The following VWA8 variants were observed in gnomAD, a reference collection of about 807,000 sequenced individuals.
The protein encoded by VWA8 is von Willebrand factor A domain-containing protein 8.
A neutral mutation model predicts 241.5 loss-of-function variants in VWA8; 221 were observed. The ratio of observed to expected loss-of-function variants is 0.91; its 90% CI spans 0.82 to 1.02. The LOEUF is 1.02. Ranked by LOEUF, VWA8 falls within the 50% of genes least tolerant of loss-of-function variation. The pLI, the probability that VWA8 is intolerant of heterozygous loss-of-function variation, is 0.00. For synonymous variants in VWA8, 852 were observed against 827.1 expected, an observed-to-expected ratio of 1.03 and a Z score of -0.52; for missense variants, 2,322 against 2,328.7, an observed-to-expected ratio of 1.00 and a Z score of 0.06.
chr13:41,825,365 G>A (rs76066725), intron 14 of VWA8, among the ~76,000 whole-genome samples: 1,589 of 152,222 alleles, frequency 0.01, 27 homozygotes, highest in African/African-American at 0.037. Context: ...ATGGATTACC[G>A]TTATAACATT....
At chr13:41,783,717 CAT>C (rs1869005566) in intron 19 of VWA8, 76 bp downstream of exon 19, 1 of 912,136 alleles carries the variant, frequency 1.1e-6, no homozygotes, top group Non-Finnish European at 1.6e-6. Flanking sequence ...AAAATAATTA[CAT>C]GTCAATTTCA....
chr13:41,743,421 T>A lies in VWA8; in HGVS notation c.2427-11266A>T, dbSNP rs188135707. The stretch of plus-strand genomic sequence containing the variant: ...CATTAGCTGTTGGCTGTAGTCCTAT[T>A]CCAAACTGTCACTTGACCAAATTCT... On this transcript the variant is annotated intron_variant, in intron 21 of 44. Transcript: ENST00000379310. 4.6e-3 allele frequency among the ~76,000 whole-genome samples: 701 copies of A among 152,308 alleles called. 12 individuals are homozygous for A. The highest frequency in any genetic ancestry group is 0.016 in the Admixed American group (247 of 15,290).
chr13:41,574,269 A>G (rs1419030196), intron 43 of VWA8, among the ~76,000 whole-genome samples: 1 of 152,300 alleles, frequency 6.6e-6, no homozygotes, highest in East Asian at 1.9e-4. Flanking sequence ...TAACACTGCT[A>G]TATGCCAACA....
At chr13:41,772,601 T>C (rs1392041760) in intron 20 of VWA8, among the ~76,000 whole-genome samples, 1 of 152,156 alleles carries the variant, frequency 6.6e-6, no homozygotes, top group Non-Finnish European at 1.5e-5. Flanking sequence ...CCCTCAAACA[T>C]GTGTATTTTC....
rs78675924 is a variant in VWA8, at chr13:41,810,235, T to C, written c.2063+990A>G. Among the ~76,000 whole-genome samples the C allele has an allele frequency of 9.2e-3, 1,402 of 152,208 alleles. 32 individuals are homozygous for C. Among genetic ancestry groups the C allele is most frequent in the African/African-American group, 0.03 (1,255 of 41,548 alleles). On this transcript the variant is annotated intron_variant, in intron 17 of 44. Coordinates refer to ENST00000379310, the MANE Select transcript of VWA8 (RefSeq NM_015058.2). Reference sequence around the variant, plus strand: ...AAAAAAAATAACTAGAACAACCATATGACACACCAATCCTAGGTATAGGCT... The same window carrying C: ...AAAAAAAATAACTAGAACAACCATACGACACACCAATCCTAGGTATAGGCT...
intron 24 of VWA8, among the ~76,000 whole-genome samples, chr13:41,726,585 A>G (rs1424936429): frequency 1.3e-5 from 2 of 152,188 alleles, no homozygotes; most frequent in African/African-American, 4.8e-5. Flanking sequence ...TTTTATTCCA[A>G]GAGGTCCTAA....
chr13:41,632,249 T>C (rs543698611), intron 37 of VWA8, among the ~76,000 whole-genome samples: 86 of 152,330 alleles, frequency 5.6e-4, no homozygotes, highest in African/African-American at 2.0e-3. Flanking sequence ...GACTTCAATC[T>C]CATACTGAAG....
At chr13:41,764,907 T>A (rs1013883898) in intron 20 of VWA8, among the ~76,000 whole-genome samples, 1 of 152,044 alleles carries the variant, frequency 6.6e-6, no homozygotes, top group African/African-American at 2.4e-5. Context: ...TCTGATGGAA[T>A]GGTACGGTGG....
chr13:41,777,891 G>GA (rs952492856), intron 20 of VWA8, 94 bp downstream of exon 20: 12 of 1,113,282 alleles, frequency 1.1e-5, no homozygotes, highest in African/African-American at 6.3e-5. Context: ...TTTAATAGGG[G>GA]AAAAAATAAC....
At chr13:41,792,637 T>A (rs970647097) in intron 17 of VWA8, among the ~76,000 whole-genome samples, 3 of 152,026 alleles carry the variant, frequency 2.0e-5, no homozygotes, top group Non-Finnish European at 4.4e-5. Context: ...CTTGTCAAAT[T>A]CACTATAATC....
At chr13:41,889,056 T>C (rs1874690661) in intron 5 of VWA8, among the ~76,000 whole-genome samples, 1 of 152,204 alleles carries the variant, frequency 6.6e-6, no homozygotes, top group Non-Finnish European at 1.5e-5. Context: ...TCTCTTTCCA[T>C]AGTAACAGAA....
intron 1 of VWA8, among the ~76,000 whole-genome samples, chr13:41,952,557 A>G (rs1209736295): frequency 6.6e-6 from 1 of 152,178 alleles, no homozygotes; most frequent in Non-Finnish European, 1.5e-5. Flanking sequence ...AAAAGACTGT[A>G]ATTATTTGGC....
intron 2 of VWA8, among the ~76,000 whole-genome samples, chr13:41,925,124 G>GA (rs1214944798): frequency 6.6e-6 from 1 of 152,078 alleles, no homozygotes; most frequent in African/African-American, 2.4e-5. Flanking sequence ...AGTACTGAAA[G>GA]AAAAAAACTG....
chr13:41,640,053 C>G (rs1044172998), intron 37 of VWA8, among the ~76,000 whole-genome samples: 1 of 152,168 alleles, frequency 6.6e-6, no homozygotes, highest in African/African-American at 2.4e-5. Flanking sequence ...TCTACGATTT[C>G]AAGAGAGCCC....
intron 37 of VWA8, among the ~76,000 whole-genome samples, chr13:41,629,153 T>C (rs970615881): frequency 2.0e-5 from 3 of 152,106 alleles, no homozygotes; most frequent in Non-Finnish European, 4.4e-5. Context: ...CTACCTACTA[T>C]GCAATCCCAT....
At chr13:41,758,382 ATATATATATACGCTAG>A (rs200342064) in intron 21 of VWA8, among the ~76,000 whole-genome samples, 5,961 of 26,788 alleles carry the variant, frequency 0.22, 923 homozygotes, top group South Asian at 0.43. Context: ...ATATATATAT[ATATATATATACGCTAG>A]TATATATATA....
At chr13:41,866,503 G>C (rs955035735) in intron 10 of VWA8, among the ~76,000 whole-genome samples, 1 of 151,662 alleles carries the variant, frequency 6.6e-6, no homozygotes, top group African/African-American at 2.4e-5. Flanking sequence ...CTAATAGCTT[G>C]CTCAATTTAA....
intron 37 of VWA8, among the ~76,000 whole-genome samples, chr13:41,630,743 A>T (rs777902937): frequency 6.6e-6 from 1 of 152,180 alleles, no homozygotes; most frequent in Non-Finnish European, 1.5e-5. Context: ...AAAAGGAGAA[A>T]AAAAAGTTTA....
At chr13:41,810,878 T>C (rs1266190182) in intron 17 of VWA8, among the ~76,000 whole-genome samples, 1 of 152,110 alleles carries the variant, frequency 6.6e-6, no homozygotes, top group Non-Finnish European at 1.5e-5. Flanking sequence ...ATGTACCCCA[T>C]AAATATATAC....
Sources: gnomAD v4.1 joint callset for allele counts (sites outside exome capture counted in the v4.1 genomes callset) on GRCh38, gnomAD v4.1.1 for gene constraint, MANE v1.5 for transcripts, NCBI Gene and HGNC (gene_info 2026-07-23, HGNC 2026-07-21) for gene names.